Variants in PCDH15 observed in about 807,000 individuals in gnomAD.
PCDH15 encodes protocadherin related 15.
In PCDH15, 129 loss-of-function variants were observed where a neutral mutation model predicts 178.5. The observed-to-expected ratio is 0.72, with a 90% CI of 0.63 to 0.84. PCDH15 has a LOEUF of 0.84. PCDH15 is among the 40% of genes least tolerant of loss of function. The pLI is 0.00. For synonymous variants in PCDH15, 800 were observed against 732.0 expected (o/e 1.09, Z -1.50); for missense variants, 2,230 against 2,099.9 (o/e 1.06, Z -1.21).
At chr10:53,896,713 C>T (rs1048092975) in intron 26 of PCDH15, among the ~76,000 whole-genome samples, 2 of 152,112 alleles carry the variant, frequency 1.3e-5, no homozygotes, top group African/African-American at 4.8e-5. Context: ...CTCCTGAGCT[C>T]TGCCTCCTGT....
chr10:55,393,223 C>T (rs1837842473), intron 2 of PCDH15, among the ~76,000 whole-genome samples: 1 of 151,998 alleles, frequency 6.6e-6, no homozygotes, highest in Admixed American at 6.6e-5. Flanking sequence ...AGATTAAGAT[C>T]ACTGATTGCT....
At chr10:54,965,975 TAATA>T (rs2131888971) in intron 2 of PCDH15, among the ~76,000 whole-genome samples, 1 of 151,034 alleles carries the variant, frequency 6.6e-6, no homozygotes, top group African/African-American at 2.4e-5. Flanking sequence ...AGACCTTATA[TAATA>T]AATGCATATT....
chr10:54,075,621 G>C (rs191239040), intron 17 of PCDH15, among the ~76,000 whole-genome samples: 20 of 152,086 alleles, frequency 1.3e-4, no homozygotes, highest in South Asian at 1.2e-3. Context: ...TCTTCTAAGA[G>C]TTCTATAGAC....
At chr10:55,181,624 G>A (rs1839650310) in intron 1 of PCDH15, among the ~76,000 whole-genome samples, 1 of 151,824 alleles carries the variant, frequency 6.6e-6, no homozygotes, top group African/African-American at 2.4e-5. Flanking sequence ...TAAAGATCTT[G>A]AACTGTTTAA....
chr10:55,623,315 T>A (rs1354628251), intron 2 of PCDH15, among the ~76,000 whole-genome samples: 1 of 152,094 alleles, frequency 6.6e-6, no homozygotes, highest in Non-Finnish European at 1.5e-5. Flanking sequence ...GTTGTAGTGG[T>A]TTTTTTGTTG....
At chr10:54,442,389 TTA>T (rs1565287138) in intron 3 of PCDH15, among the ~76,000 whole-genome samples, 2,384 of 94,602 alleles carry the variant, frequency 0.025, 125 homozygotes, top group African/African-American at 0.035. Context: ...TCCTTTTTTT[TTA>T]AAAAAAAAAA....
intron 2 of PCDH15, among the ~76,000 whole-genome samples, chr10:55,062,043 A>T (rs146645420): frequency 0.01 from 1,562 of 152,310 alleles, 14 homozygotes; most frequent in Non-Finnish European, 0.016. Flanking sequence ...ATAAAAATTA[A>T]ACAAAAGATA....
At chr10:55,283,839 A>G (rs1842796949) in intron 1 of PCDH15, among the ~76,000 whole-genome samples, 1 of 152,152 alleles carries the variant, frequency 6.6e-6, no homozygotes, top group Non-Finnish European at 1.5e-5. Context: ...TTGGAAACTA[A>G]GTGGAAAAAG....
intron 3 of PCDH15, among the ~76,000 whole-genome samples, chr10:54,806,903 C>T (rs1952787263): frequency 6.6e-6 from 1 of 152,132 alleles, no homozygotes; most frequent in Non-Finnish European, 1.5e-5. Flanking sequence ...TGGCTGATTG[C>T]TTTTTCAAGG....
intron 1 of PCDH15, among the ~76,000 whole-genome samples, chr10:55,230,795 T>G (rs1339609573): frequency 6.6e-6 from 1 of 151,834 alleles, no homozygotes; most frequent in Non-Finnish European, 1.5e-5. Flanking sequence ...ATTGGAAAAA[T>G]TATGGAAACC....
chr10:54,011,013 G>A (rs75586924), intron 20 of PCDH15, among the ~76,000 whole-genome samples: 5,485 of 152,198 alleles, frequency 0.036, 165 homozygotes, highest in Middle Eastern at 0.058. Context: ...CACTCTTCCA[G>A]GAGGACACAG....
At position 54,483,870 on chromosome 10, in the gene PCDH15, A is replaced by G. The variant is rs1015068647; in HGVS notation, c.157+43942T>C. Among the ~76,000 whole-genome samples the G allele has an allele frequency of 4.6e-5, 7 of 151,830 alleles. No individual in the cohort carries two copies. In the East Asian group the frequency reaches 7.7e-4, roughly 17 times the overall value. On this transcript the variant is annotated intron_variant, in intron 3 of 37. Coordinates refer to ENST00000644397, the MANE Select transcript of PCDH15 (RefSeq NM_001384140.1). ...TCAAAAAGATATTTTGAATGTTTTG[A>G]CAAATAAGGGTGATGATGTTCAGAT...
At chr10:54,126,915 AT>A (rs2042039583) in intron 15 of PCDH15, among the ~76,000 whole-genome samples, 1 of 152,144 alleles carries the variant, frequency 6.6e-6, no homozygotes, top group Non-Finnish European at 1.5e-5. Context: ...AAAATATTCT[AT>A]CTTACTTGTC....
intron 2 of PCDH15, among the ~76,000 whole-genome samples, chr10:54,637,390 G>C (rs941098135): frequency 6.6e-6 from 1 of 151,934 alleles, no homozygotes; most frequent in African/African-American, 2.4e-5. Context: ...TCGAGGTGTG[G>C]ACAGGACTAT....
chr10:54,514,334 G>A (rs905160959), intron 3 of PCDH15, among the ~76,000 whole-genome samples: 22 of 152,008 alleles, frequency 1.4e-4, no homozygotes, highest in African/African-American at 4.3e-4. Context: ...TGTTTTACTT[G>A]CCAACAATAA....
At chr10:55,072,691 C>T (rs1241211029) in intron 2 of PCDH15, among the ~76,000 whole-genome samples, 3 of 152,086 alleles carry the variant, frequency 2.0e-5, no homozygotes, top group African/African-American at 4.8e-5. Context: ...TGGTACCATT[C>T]CTTCTGAAAC....
intron 2 of PCDH15, among the ~76,000 whole-genome samples, chr10:54,962,313 G>T (rs1321594968): frequency 2.6e-5 from 4 of 152,194 alleles, no homozygotes; most frequent in Admixed American, 2.6e-4. Context: ...CACGTGATGG[G>T]AAGCAGTGGT....
chr10:53,820,987 A>G (rs1453494841), intron 32 of PCDH15: 2 of 558,780 alleles, frequency 3.6e-6, no homozygotes, highest in Non-Finnish European at 4.5e-6. Flanking sequence ...CTTTCTTTAA[A>G]AAGGAATCTT....
At chr10:54,535,570 C>T (rs187848665) in intron 2 of PCDH15, among the ~76,000 whole-genome samples, 102 of 151,808 alleles carry the variant, frequency 6.7e-4, no homozygotes, top group African/African-American at 2.2e-3. Flanking sequence ...ATTAGCTGGG[C>T]GTGGTGGCGG....
Sources: gnomAD v4.1 joint callset for allele counts (sites outside exome capture counted in the v4.1 genomes callset) on GRCh38, gnomAD v4.1.1 for gene constraint, MANE v1.5 for transcripts, NCBI Gene and HGNC (gene_info 2026-07-23, HGNC 2026-07-21) for gene names.